The following SLC6A15 variants were observed in gnomAD, a reference collection of about 807,000 sequenced individuals.
The protein encoded by SLC6A15 is solute carrier family 6 member 15, also known as sodium-dependent neutral amino acid transporter B(0)AT2.
Under a neutral mutation model 68.5 loss-of-function variants are expected in SLC6A15, and 33 were observed. That is an observed-to-expected ratio of 0.48 (90% confidence interval 0.37 to 0.64). The LOEUF is 0.64. SLC6A15 is among the 30% of genes least tolerant of loss of function. SLC6A15 has a pLI of 0.00. For missense variants in SLC6A15, 747 were observed against 874.3 expected (o/e 0.85, Z 1.84); for synonymous variants, 347 against 301.0 (o/e 1.15, Z -1.58).
intron 1 of SLC6A15, among the ~76,000 whole-genome samples, chr12:84,906,269 G>A (rs1378366008): frequency 6.6e-6 from 1 of 152,104 alleles, no homozygotes; most frequent in African/African-American, 2.4e-5. Flanking sequence ...AAACTACAAA[G>A]TGCTGATAAA....
intron 1 of SLC6A15, chr12:84,911,962 A>C (rs1873488060): frequency 6.6e-6 from 1 of 150,838 alleles, no homozygotes; most frequent in Admixed American, 6.6e-5. Flanking sequence ...AACTGTGGTC[A>C]CGTGAAAACA....
chr12:84,878,264 G>A (rs921461913), intron 5 of SLC6A15, among the ~76,000 whole-genome samples: 1 of 151,966 alleles, frequency 6.6e-6, no homozygotes, highest in Admixed American at 6.6e-5. Context: ...TTTCAAATTG[G>A]TTTAATCCTT....
Position 84,886,061 on chromosome 12 carries a change from A to C in SLC6A15, c.297T>G (p.Tyr99Ter), listed in dbSNP as rs770831660. The change falls in exon 3 of 12, where the codon TAT becomes TAG. Residue 99 changes from tyrosine to a stop codon, truncating the protein, a stop_gained. Coordinates refer to ENST00000266682, the MANE Select transcript of SLC6A15 (RefSeq NM_182767.6). LOFTEE classifies it high-confidence loss of function. ...TAAGTAGTATTAAATATGGTAAAAG[A>C]TATGCACCTAAAGAAACAACAACAA... ...YLCQKNGGGA[Y>*]LLPYLILLMV... 6.3e-7 allele frequency: 1 copy of C among 1,586,178 alleles called. No homozygotes were observed. The highest frequency in any genetic ancestry group is 8.6e-7 in the Non-Finnish European group (1 of 1,159,684).
At chr12:84,911,169 C>T (rs1010091867) in intron 1 of SLC6A15, among the ~76,000 whole-genome samples, 3 of 152,140 alleles carry the variant, frequency 2.0e-5, no homozygotes, top group African/African-American at 4.8e-5. Context: ...TCAAAACAAA[C>T]ACTTTGTTGC....
chr12:84,888,291 C>CAA (rs139560769), intron 2 of SLC6A15, among the ~76,000 whole-genome samples: 3 of 142,222 alleles, frequency 2.1e-5, no homozygotes, highest in African/African-American at 7.8e-5. Context: ...AAAACAAAAA[C>CAA]AAAAAAAAGA....
intron 1 of SLC6A15, among the ~76,000 whole-genome samples, chr12:84,902,137 G>A (rs1316576873): frequency 1.3e-5 from 2 of 151,848 alleles, no homozygotes; most frequent in African/African-American, 4.8e-5. Context: ...AAATTGAAAT[G>A]TATTTTGCAA....
At chr12:84,869,782 T>C (rs1051059696) in intron 9 of SLC6A15, among the ~76,000 whole-genome samples, 4 of 152,206 alleles carry the variant, frequency 2.6e-5, no homozygotes, top group African/African-American at 9.6e-5. Context: ...GCTATCAGTA[T>C]TTTACATGCT....
At chr12:84,912,388 C>A (rs1240191593) in intron 1 of SLC6A15, 135 bp downstream of exon 1, 1 of 152,718 alleles carries the variant, frequency 6.5e-6, no homozygotes, top group Non-Finnish European at 1.5e-5. Flanking sequence ...CTCCTCCCAC[C>A]CCAGGACGCA....
rs989357502 is a variant in SLC6A15, at chr12:84,860,150, T to G, written c.*1482A>C. ...GATACCATTTATTAACATCTATCTA[T>G]AGCAGAGCGAGAATACTGGCTGAAA... On this transcript the variant is annotated 3_prime_UTR_variant, in exon 12 of 12. Coordinates refer to ENST00000266682, the MANE Select transcript of SLC6A15 (RefSeq NM_182767.6). 1 of 152,090 alleles carries G rather than the reference T, an allele frequency of 6.6e-6. No homozygotes were observed. Among genetic ancestry groups the G allele is most frequent in the African/African-American group, 2.4e-5 (1 of 41,450 alleles). The allele number at this position is 152,090 out of a possible 1,614,324, so 9.4% of individuals were successfully genotyped here.
chr12:84,883,779 A>C (rs531584526), intron 5 of SLC6A15, 80 bp downstream of exon 5: 12 of 1,613,780 alleles, frequency 7.4e-6, no homozygotes, highest in African/African-American at 5.3e-5. Context: ...TTGCCCACAG[A>C]AATCTGTAAC....
chr12:84,898,366 A>G (rs1019625472), intron 1 of SLC6A15, among the ~76,000 whole-genome samples: 3 of 152,020 alleles, frequency 2.0e-5, no homozygotes, highest in Non-Finnish European at 1.5e-5. Context: ...ACAAAAAACA[A>G]CTTATTATAT....
At chr12:84,872,518 C>T (rs1871329569) in intron 8 of SLC6A15, 84 bp downstream of exon 8, 1 of 1,123,498 alleles carries the variant, frequency 8.9e-7, no homozygotes, top group African/African-American at 1.6e-5. Flanking sequence ...CATTTTAAGG[C>T]CCTTTTCCTG....
intron 1 of SLC6A15, among the ~76,000 whole-genome samples, chr12:84,905,733 T>A (rs1171055409): frequency 6.6e-6 from 1 of 152,148 alleles, no homozygotes; most frequent in African/African-American, 2.4e-5. Flanking sequence ...ATGCACAACC[T>A]AAGGACACAG....
In SLC6A15 at chr12:84,861,481, G is replaced by A. The variant is rs1014654392; in HGVS notation, c.*151C>T. ...CCAAAGAATCCAAAAGAATGCTCAA[G>A]TTGAACTGACATATACTGTTAGGAT... On this transcript the variant is annotated 3_prime_UTR_variant, in exon 12 of 12. Transcript: ENST00000266682. The A allele has an allele frequency of 5.2e-5, 42 of 803,306 alleles. No homozygotes were observed. The highest frequency in any genetic ancestry group is 6.2e-5 in the Non-Finnish European group (33 of 534,724). 49.8% of individuals were successfully genotyped at this position (803,306 alleles called of 1,614,324 possible).
intron 5 of SLC6A15, among the ~76,000 whole-genome samples, chr12:84,877,471 C>A (rs1409118808): frequency 6.6e-6 from 1 of 152,160 alleles, no homozygotes; most frequent in Non-Finnish European, 1.5e-5. Flanking sequence ...CACCCTCTGG[C>A]CTGCAAAGTC....
Position 84,873,224 on chromosome 12 carries a change from G to A in SLC6A15, c.972C>T (p.Asn324=). Residue 324 remains asparagine (N), a synonymous_variant, in exon 7 of 12, where the codon AAC becomes AAT. Transcript: ENST00000266682. ...CAAAGTGGCAGTTGTTGTCTCTCTT[G>A]TTGTAGCTTGAAAAGGCAATGACAC... is the stretch of plus-strand genomic sequence containing the variant. The part of the protein sequence containing the change: ...FGGVIAFSSY[N]KRDNNCHFDA... 6.2e-7 allele frequency: 1 copy of A among 1,614,104 alleles called. No individual in the cohort carries two copies. Among genetic ancestry groups the A allele is most frequent in the Non-Finnish European group, 8.5e-7 (1 of 1,179,992 alleles).
At chr12:84,872,257 A>G (rs906622235) in intron 8 of SLC6A15, among the ~76,000 whole-genome samples, 14 of 152,136 alleles carry the variant, frequency 9.2e-5, no homozygotes, top group African/African-American at 3.4e-4. Flanking sequence ...GTATGTGTAA[A>G]TGAGAGCCAT....
At chr12:84,894,922 A>G (rs1872574870) in intron 1 of SLC6A15, among the ~76,000 whole-genome samples, 1 of 152,094 alleles carries the variant, frequency 6.6e-6, no homozygotes, top group Non-Finnish European at 1.5e-5. Context: ...CTCTAGCCAA[A>G]CTTTATAAAA....
chr12:84,903,451 C>G (rs1872984652), intron 1 of SLC6A15, among the ~76,000 whole-genome samples: 1 of 152,032 alleles, frequency 6.6e-6, no homozygotes, highest in Non-Finnish European at 1.5e-5. Flanking sequence ...AAAATTACTT[C>G]AAATTTAATG....
Sources: gnomAD v4.1 joint callset for allele counts (sites outside exome capture counted in the v4.1 genomes callset) on GRCh38, gnomAD v4.1.1 for gene constraint, MANE v1.5 for transcripts, NCBI Gene and HGNC (gene_info 2026-07-23, HGNC 2026-07-21) for gene names.